The following TUNAR variants were observed in gnomAD, a reference collection of about 807,000 sequenced individuals.
TUNAR encodes protein TUNAR.
intron 2 of TUNAR, among the ~76,000 whole-genome samples, chr14:95,878,398 C>G (rs1174457868): frequency 6.6e-6 from 1 of 152,168 alleles, no homozygotes; most frequent in East Asian, 1.9e-4. Context: ...GGGGCTTGTT[C>G]CATTGGTGAA....
chr14:95,877,331 G>T (rs774777601), intron 2 of TUNAR, among the ~76,000 whole-genome samples, 154 bp downstream of exon 1: 40 of 152,186 alleles, frequency 2.6e-4, no homozygotes, highest in Admixed American at 6.5e-4. Context: ...CCGAAGCCCC[G>T]CCTGGAGGCT....
At chr14:95,919,435 A>C (rs1209780640) in intron 2 of TUNAR, among the ~76,000 whole-genome samples, 1 of 152,276 alleles carries the variant, frequency 6.6e-6, no homozygotes, top group Non-Finnish European at 1.5e-5. Flanking sequence ...TAGGCCAAGC[A>C]TGGTGGCTCA....
chr14:95,904,997 G>C (rs1000741217), intron 2 of TUNAR, among the ~76,000 whole-genome samples: 43 of 152,184 alleles, frequency 2.8e-4, no homozygotes, highest in African/African-American at 9.9e-4. Context: ...GCACTCCTTA[G>C]CCTCTGTTCC....
intron 2 of TUNAR, among the ~76,000 whole-genome samples, chr14:95,893,452 C>T (rs1409778943): frequency 2.0e-5 from 3 of 152,150 alleles, no homozygotes; most frequent in Non-Finnish European, 4.4e-5. Flanking sequence ...GGGCCGCCCT[C>T]ACTCCTTATG....
chr14:95,877,385 A>C (rs573039871), intron 2 of TUNAR, among the ~76,000 whole-genome samples: 1 of 152,234 alleles, frequency 6.6e-6, no homozygotes, highest in African/African-American at 2.4e-5. Flanking sequence ...CCTTCTGGAG[A>C]AAGATGTGGG....
intron 2 of TUNAR, among the ~76,000 whole-genome samples, chr14:95,906,130 A>C (rs1240930273): frequency 1.3e-5 from 2 of 152,174 alleles, no homozygotes; most frequent in African/African-American, 4.8e-5. Context: ...CAACTCTGGA[A>C]TCAACCACTT....
At chr14:95,896,427 T>C (rs1364800013) in intron 2 of TUNAR, among the ~76,000 whole-genome samples, 1 of 152,220 alleles carries the variant, frequency 6.6e-6, no homozygotes. Context: ...GCATCAAGGC[T>C]CACTGCAGCC....
intron 2 of TUNAR, among the ~76,000 whole-genome samples, chr14:95,911,093 A>C (rs761101345): frequency 6.6e-6 from 1 of 152,228 alleles, no homozygotes; most frequent in Non-Finnish European, 1.5e-5. Flanking sequence ...CATCTAATGA[A>C]TAAATTCCAC....
chr14:95,887,486 T>G (rs1889097347), intron 2 of TUNAR, among the ~76,000 whole-genome samples: 1 of 152,196 alleles, frequency 6.6e-6, no homozygotes, highest in Non-Finnish European at 1.5e-5. Context: ...TTCAAAACAG[T>G]CAAACCTTCA....
chr14:95,903,738 G>T lies in TUNAR; in HGVS notation c.13-19043G>T, dbSNP rs185105392. Among the ~76,000 whole-genome samples the T allele has an allele frequency of 1.3e-4, 20 of 152,332 alleles. No individual in the cohort carries two copies. In the East Asian group the frequency reaches 3.1e-3, roughly 24 times the overall value. On this transcript the variant is annotated intron_variant, in intron 2 of 2. Transcript: ENST00000678517. ...TGTGGGTTGACTGGACTCAGCTGGT[G>T]GTTCTCACTTTAGGTCTCCTGGGTA...
chr14:95,914,843 C>T (rs539688874), intron 2 of TUNAR, among the ~76,000 whole-genome samples: 1 of 152,316 alleles, frequency 6.6e-6, no homozygotes, highest in East Asian at 1.9e-4. Context: ...AGCTGATAAA[C>T]CACTGAGACA....
chr14:95,912,842 G>A (rs1889537275), intron 2 of TUNAR, among the ~76,000 whole-genome samples: 1 of 151,774 alleles, frequency 6.6e-6, no homozygotes, highest in African/African-American at 2.4e-5. Flanking sequence ...CCAGGCTGGA[G>A]TGCAGTGGTG....
At chr14:95,883,701 C>G (rs896732553) in intron 2 of TUNAR, among the ~76,000 whole-genome samples, 6 of 152,096 alleles carry the variant, frequency 3.9e-5, no homozygotes, top group African/African-American at 1.4e-4. Flanking sequence ...CTCCTCTCAC[C>G]TGGGTGCCTA....
chr14:95,886,099 A>T lies in TUNAR; in HGVS notation c.12+8922A>T, dbSNP rs561819130. Among the ~76,000 whole-genome samples, 3 of 152,214 alleles carry T rather than the reference A, an allele frequency of 2.0e-5. No individual in the cohort carries two copies. In the South Asian group the frequency reaches 6.2e-4, roughly 32 times the overall value. The stretch of plus-strand genomic sequence containing the variant: ...GTGTCCCAGCCTGATTCACCGAGCC[A>T]TGGGTCTCCCTGTGCCTCTGCAAAT... On this transcript the variant is annotated intron_variant, in intron 2 of 2. Coordinates refer to ENST00000678517, the Ensembl canonical transcript of TUNAR.
intron 2 of TUNAR, among the ~76,000 whole-genome samples, chr14:95,892,023 C>T (rs1889187292): frequency 6.6e-6 from 1 of 152,266 alleles, no homozygotes; most frequent in South Asian, 2.1e-4. Flanking sequence ...GGTTTACTCA[C>T]CCTGACTCAT....
chr14:95,896,138 G>A (rs549939155), intron 2 of TUNAR, among the ~76,000 whole-genome samples: 123 of 152,252 alleles, frequency 8.1e-4, no homozygotes, highest in Non-Finnish European at 1.5e-3. Context: ...CGGCCTTCTC[G>A]CTGGCCCCAC....
At chr14:95,912,942 C>T (rs142600402) in intron 2 of TUNAR, among the ~76,000 whole-genome samples, 11 of 152,174 alleles carry the variant, frequency 7.2e-5, no homozygotes, top group East Asian at 1.9e-4. Context: ...AGGCGCCTGC[C>T]GCCACACCTG....
chr14:95,881,330 G>A (rs995452715), intron 2 of TUNAR, among the ~76,000 whole-genome samples: 14 of 152,216 alleles, frequency 9.2e-5, no homozygotes, highest in African/African-American at 3.4e-4. Flanking sequence ...TTTGGGAAAA[G>A]CTAAAAGAAT....
chr14:95,879,066 C>A (rs1888935897), intron 2 of TUNAR, among the ~76,000 whole-genome samples: 1 of 152,134 alleles, frequency 6.6e-6, no homozygotes, highest in Non-Finnish European at 1.5e-5. Flanking sequence ...AGCTTGGCTG[C>A]AGAGGGGCTG....
Sources: gnomAD v4.1 joint callset for allele counts (sites outside exome capture counted in the v4.1 genomes callset) on GRCh38, gnomAD v4.1.1 for gene constraint, MANE v1.5 for transcripts, NCBI Gene and HGNC (gene_info 2026-07-23, HGNC 2026-07-21) for gene names.